The following NOTCH1 variants were observed in gnomAD, a reference collection of about 807,000 sequenced individuals.
NOTCH1 encodes the protein neurogenic locus notch homolog protein 1.
NOTCH1 carries 37 observed loss-of-function variants against 254.8 expected under a neutral mutation model. The observed-to-expected ratio is 0.15, with a 90% confidence interval of 0.11 to 0.19. The LOEUF (loss-of-function observed/expected upper bound fraction) is 0.19, where lower values mean the gene tolerates loss of function less well. Ranked by LOEUF, NOTCH1 falls within the 10% of genes least tolerant of loss-of-function variation. The pLI is 1.00. For synonymous variants in NOTCH1, 1,731 were observed against 1,618.1 expected, an observed-to-expected ratio of 1.07 and a Z score of -1.68; for missense variants, 2,972 against 3,708.6, an observed-to-expected ratio of 0.80 and a Z score of 5.16.
Position 136,496,014 on chromosome 9 carries a change from G to A in NOTCH1, c.*57C>T, listed in dbSNP as rs1047597341. ...TGGTCGGCCCTGGCATCCACAGAGC[G>A]CACACAGACGCCCGAAGGCTTGGGA... On this transcript the variant is annotated 3_prime_UTR_variant, in exon 34 of 34. Coordinates refer to ENST00000651671, the MANE Select transcript of NOTCH1 (RefSeq NM_017617.5). 47 of 1,555,052 alleles carry A rather than the reference G, an allele frequency of 3.0e-5. No homozygotes were observed. The highest frequency in any genetic ancestry group is 1.7e-4 in the Middle Eastern group (1 of 5,730).
intron 2 of NOTCH1, among the ~76,000 whole-genome samples, chr9:136,530,430 GA>G (rs1303285936): frequency 6.6e-6 from 1 of 152,216 alleles, no homozygotes; most frequent in Non-Finnish European, 1.5e-5. Flanking sequence ...GCCCTCACCC[GA>G]CATGGGAACG....
In NOTCH1 at chr9:136,513,147, G is replaced by A; in HGVS notation, c.2354-13C>T. 6.2e-7 allele frequency: 1 copy of A among 1,604,016 alleles called. No homozygotes were observed. Among genetic ancestry groups the A allele is most frequent in the South Asian group, 1.1e-5 (1 of 90,900 alleles). On this transcript the variant is annotated splice_polypyrimidine_tract_variant and intron_variant, in intron 14 of 33. Transcript: ENST00000651671. This position sits in a 1 kb window ranked among gnomAD's most constrained non-coding sequence, Gnocchi z 4.7. ...TGGCAGTTGGGACCTGGAGGGAAGG[G>A]GACAGCACTCGGCATGTCCAGCACT...
At position 136,500,837 on chromosome 9, in the gene NOTCH1, G is replaced by C; in HGVS notation, c.5649C>G (p.Thr1883=). The change falls in exon 31 of 34, where the codon ACC becomes ACG. Residue 1883 remains threonine, a synonymous_variant. Coordinates refer to ENST00000651671, the MANE Select transcript of NOTCH1 (RefSeq NM_017617.5). ...CGCTGCAGGAGGCGATCATGAGCGG[G>C]GTGAAGCCATCTGCAGAGGCAGAGA... ...DVNVRGPDGF[T]PLMIASCSGG... 1.3e-6 allele frequency: 2 copies of C among 1,594,746 alleles called. No individual in the cohort carries two copies. The highest frequency in any genetic ancestry group is 1.1e-5 in the South Asian group (1 of 90,726).
intron 2 of NOTCH1, among the ~76,000 whole-genome samples, chr9:136,524,854 T>C (rs560205406): frequency 6.6e-6 from 1 of 152,214 alleles, no homozygotes; most frequent in South Asian, 2.1e-4. Context: ...GCCAGGCTGG[T>C]CTTGATCTCT....
intron 9 of NOTCH1, among the ~76,000 whole-genome samples, chr9:136,516,715 C>A (rs1415798492): frequency 2.0e-5 from 3 of 152,270 alleles, no homozygotes; most frequent in Admixed American, 6.5e-5. Flanking sequence ...TCCTGGTATA[C>A]CCTTCTCTCC....
At chr9:136,524,506 T>C (rs1482610072) in intron 2 of NOTCH1, among the ~76,000 whole-genome samples, 2 of 152,196 alleles carry the variant, frequency 1.3e-5, no homozygotes, top group African/African-American at 4.8e-5. Context: ...TTCCCAGCTT[T>C]GCTAAAGCGA....
In NOTCH1 at chr9:136,501,804, G is replaced by A. The variant is rs2133328736; in HGVS notation, c.5582C>T (p.Thr1861Ile). The change falls in exon 30 of 34, where the codon ACA (threonine) becomes ATA (isoleucine). Residue 1861 changes from threonine to isoleucine, a missense_variant. Thr to Ile is a moderately conservative substitution (Grantham distance 89). Coordinates refer to ENST00000651671, the MANE Select transcript of NOTCH1 (RefSeq NM_017617.5). ...ADLRMSAMAP[T>I]PPQGEVDADC... ...GGCGTCAACCTCACCCTGGGGCGGT[G>A]TGGGGGCCATGGCAGACATGCGCAG... is the stretch of plus-strand genomic sequence containing the variant. The A allele has an allele frequency of 6.2e-7, 1 of 1,612,798 alleles. No homozygotes were observed. Among genetic ancestry groups the A allele is most frequent in the Non-Finnish European group, 8.5e-7 (1 of 1,179,980 alleles).
rs894552206 is a variant in NOTCH1 at position 136,513,618 on chromosome 9, C to T, written c.2208-81G>A. On this transcript the variant is annotated intron_variant, in intron 13 of 33. Coordinates refer to ENST00000651671, the MANE Select transcript of NOTCH1 (RefSeq NM_017617.5). This position sits in a 1 kb window ranked among gnomAD's most constrained non-coding sequence, Gnocchi z 4.7. ...CTGGGCACTCCCGGGTCTGCAATGC[C>T]CTATGGGCTGGCGGAGGTGCCCATC... 6.5e-7 allele frequency: 1 copy of T among 1,531,958 alleles called. No homozygotes were observed. Among genetic ancestry groups the T allele is most frequent in the Non-Finnish European group, 8.9e-7 (1 of 1,118,612 alleles). 94.9% of individuals were successfully genotyped at this position (1,531,958 alleles called of 1,614,324 possible).
In NOTCH1 at chr9:136,517,809, G is replaced by C. The variant is rs747502723; in HGVS notation, c.1384C>G (p.Gln462Glu). The change falls in exon 8 of 34, where the codon CAG becomes GAG. Residue 462 changes from glutamine (Q) to glutamate (E), a missense_variant. By Grantham distance (29) the Gln-to-Glu change is conservative. Coordinates refer to ENST00000651671, the MANE Select transcript of NOTCH1 (RefSeq NM_017617.5). ...DVNECVSNPC[Q>E]NDATCLDQIG... ...TGGTCCAGGCAGGTGGCGTCGTTCT[G>C]GCACGGGTTCGAGACGCACTCGTTG... 1.9e-6 allele frequency: 3 copies of C among 1,612,746 alleles called. No homozygotes were observed. The Admixed American group carries it at 5.0e-5, about 27-fold the overall frequency.
At chr9:136,536,289 G>A (rs144640963) in intron 2 of NOTCH1, among the ~76,000 whole-genome samples, 51 of 152,284 alleles carry the variant, frequency 3.3e-4, no homozygotes, top group Admixed American at 7.8e-4. Context: ...GGGACATGGC[G>A]CTTCCCCGTC....
chr9:136,544,243 A>T (rs1843778062), intron 1 of NOTCH1, 141 bp from the exon 2 acceptor site: 1 of 799,468 alleles, frequency 1.3e-6, no homozygotes. Context: ...GCTCAGTATC[A>T]TGGGTTGCTG....
At chr9:136,510,507 A>G (rs1010487477) in intron 17 of NOTCH1, 146 bp downstream of exon 17, 2 of 1,092,470 alleles carry the variant, frequency 1.8e-6, no homozygotes, top group Non-Finnish European at 2.7e-6. Context: ...ATCCCTCAGC[A>G]CATCCCCCAC....
At chr9:136,527,580 G>C (rs1017768806) in intron 2 of NOTCH1, among the ~76,000 whole-genome samples, 2 of 152,218 alleles carry the variant, frequency 1.3e-5, no homozygotes, top group African/African-American at 4.8e-5. Flanking sequence ...TGAGGCTTGA[G>C]ATAGGGAACG....
rs1304388033 is a variant in NOTCH1, at chr9:136,516,051, G to T, written c.1599C>A (p.Ala533=). ...HLCQYDVDEC[A]STPCKNGAKC... is the part of the protein sequence containing the mutation. ...TGGCACCATTCTTGCAGGGGGTGCT[G>T]GCACACTCGTCCACATCGTACTGGC... Residue 533 remains alanine (A), a synonymous_variant, in exon 10 of 34, where the codon GCC becomes GCA. Coordinates refer to ENST00000651671, the MANE Select transcript of NOTCH1 (RefSeq NM_017617.5). 2 of 1,612,200 alleles carry T rather than the reference G, an allele frequency of 1.2e-6. No individual in the cohort carries two copies. The highest frequency in any genetic ancestry group is 8.5e-7 in the Non-Finnish European group (1 of 1,179,930).
rs373271665 is a variant in NOTCH1 at position 136,542,049 on chromosome 9, G to A, written c.140+1975C>T. ...AGCTCACCGGGATCCCAGGTTTGGG[G>A]AATGGGAAAGTGGGCCCATGACACC... On this transcript the variant is annotated intron_variant, in intron 2 of 33. Transcript: ENST00000651671. 1.1e-4 allele frequency among the ~76,000 whole-genome samples: 16 copies of A among 152,376 alleles called. 1 individual carries two copies. Among genetic ancestry groups the A allele is most frequent in the African/African-American group, 3.6e-4 (15 of 41,586 alleles).
At position 136,499,271 on chromosome 9, in the gene NOTCH1, G is replaced by A; in HGVS notation, c.5935-12C>T. The A allele has an allele frequency of 1.2e-6, 2 of 1,612,054 alleles. No homozygotes were observed. The highest frequency in any genetic ancestry group is 1.7e-6 in the Non-Finnish European group (2 of 1,179,968). On this transcript the variant is annotated splice_polypyrimidine_tract_variant and intron_variant, in intron 31 of 33. Coordinates refer to ENST00000651671, the MANE Select transcript of NOTCH1 (RefSeq NM_017617.5). ...TTCCGGATCAGGATCTGGGCAACAGGGAGAGGCTCAGGCGGGTGCTGGGCA... is the reference window on the plus strand; with the variant it reads ...TTCCGGATCAGGATCTGGGCAACAGAGAGAGGCTCAGGCGGGTGCTGGGCA...
chr9:136,522,630 C>T (rs1032108863), intron 4 of NOTCH1: 1 of 544,656 alleles, frequency 1.8e-6, no homozygotes, highest in Non-Finnish European at 3.2e-6. Context: ...GAGACACGGG[C>T]TGGCACCTGG....
intron 2 of NOTCH1, among the ~76,000 whole-genome samples, chr9:136,536,632 C>T (rs1381416020): frequency 6.6e-6 from 1 of 152,228 alleles, no homozygotes; most frequent in African/African-American, 2.4e-5. Flanking sequence ...TCCCAGCCAG[C>T]GTGGAAGCTG....
At chr9:136,522,683 G>A (rs1311231563) in intron 4 of NOTCH1, 167 bp downstream of exon 4, 44 of 656,632 alleles carry the variant, frequency 6.7e-5, no homozygotes, top group Non-Finnish European at 9.3e-5. Context: ...CGCTCCAGAC[G>A]CGTCCCCCCG....
Sources: gnomAD v4.1 joint callset for allele counts (sites outside exome capture counted in the v4.1 genomes callset) on GRCh38, gnomAD v4.1.1 for gene constraint, Gnocchi (gnomAD v3.1) non-coding constraint, MANE v1.5 for transcripts, NCBI Gene and HGNC (gene_info 2026-07-23, HGNC 2026-07-21) for gene names.